Variants in PHEX observed in about 807,000 individuals in gnomAD.
The protein encoded by PHEX is phosphate-regulating neutral endopeptidase PHEX.
Under a neutral mutation model 68.0 loss-of-function variants are expected in PHEX, and 16 were observed. The ratio of observed to expected loss-of-function variants is 0.24; its 90% CI spans 0.16 to 0.36. PHEX has a LOEUF of 0.36. Among genes scored for constraint, PHEX ranks in the 10% least tolerant of loss-of-function variants. The pLI, the probability that PHEX is intolerant of heterozygous loss-of-function variation, is 1.00. For missense variants in PHEX, 480 were observed against 575.5 expected (o/e 0.83, Z 1.70); for synonymous variants, 208 against 205.1 (o/e 1.01, Z -0.12).
chrX:22,199,260 G>A (rs759349230), intron 15 of PHEX, among the ~76,000 whole-genome samples: 1 of 111,273 alleles, frequency 9.0e-6, no homozygotes, highest in Non-Finnish European at 1.9e-5. Flanking sequence ...AGAGAAGGAC[G>A]GGGAGGGCCT....
In PHEX at chrX:22,178,236, T is replaced by A. The variant is rs759118692; in HGVS notation, c.1483-37T>A. 4.3e-6 allele frequency: 4 copies of A among 938,778 alleles called. No individual in the cohort carries two copies. The South Asian group carries it at 7.8e-5, about 18-fold the overall frequency. 77.4% of individuals were successfully genotyped at this position (938,778 alleles called of 1,213,427 possible). A position where few individuals can be genotyped will look rare whatever the true frequency, so the allele number is the denominator to read the frequency against. On this transcript the variant is annotated intron_variant, in intron 13 of 21. Coordinates refer to ENST00000379374, the MANE Select transcript of PHEX (RefSeq NM_000444.6). ...TTTTTTTAGAGCCATCTTTTATCTT[T>A]ACTTAGAACAATGATGTTGTGGTTT...
At chrX:22,127,261 G>A (rs1931779227) in intron 11 of PHEX, among the ~76,000 whole-genome samples, 1 of 111,482 alleles carries the variant, frequency 9.0e-6, no homozygotes, top group African/African-American at 3.3e-5. Context: ...TAACACTTGA[G>A]TTAATTTTTA....
chrX:22,249,455 A>AAAATATATATATATATATATAT lies in PHEX; in HGVS notation c.*1503_*1504insAATATATATATATATATATATA. The AAAATATATATATATATATATAT allele has an allele frequency of 2.0e-4, 8 of 39,756 alleles. No individual in the cohort carries two copies. The highest frequency in any genetic ancestry group is 3.3e-4 in the African/African-American group (2 of 6,017). 3.3% of individuals were successfully genotyped at this position (39,756 alleles called of 1,213,427 possible). A position where few individuals can be genotyped will look rare whatever the true frequency, so the allele number is the denominator to read the frequency against. The stretch of plus-strand genomic sequence containing the variant: ...TTGTGATTCTTTTAAAAAAAAAAAA[A>AAAATATATATATATATATATAT]ATATATATATATATATATATATATA... On this transcript the variant is annotated 3_prime_UTR_variant, in exon 22 of 22. Transcript: ENST00000379374.
At chrX:22,057,691 A>G (rs1387782954) in intron 3 of PHEX, among the ~76,000 whole-genome samples, 1 of 111,509 alleles carries the variant, frequency 9.0e-6, no homozygotes, top group South Asian at 3.7e-4. Flanking sequence ...ATTTGTGTAC[A>G]TGCTTGCTGT....
chrX:22,100,900 G>A (rs1005728568), intron 9 of PHEX, among the ~76,000 whole-genome samples: 5 of 111,488 alleles, frequency 4.5e-5, no homozygotes, highest in African/African-American at 1.6e-4. Flanking sequence ...GGCCAGGCGC[G>A]GTGGCTCACA....
At chrX:22,235,979 A>ATCCAACTCCAC (rs1935963562) in intron 20 of PHEX, among the ~76,000 whole-genome samples, 1 of 111,296 alleles carries the variant, frequency 9.0e-6, no homozygotes, top group Admixed American at 9.5e-5. Context: ...TTTCAGTATG[A>ATCCAACTCCAC]TCCAACTCCA....
At chrX:22,221,574 T>A in intron 17 of PHEX, 39 bp from the exon 18 acceptor site, 1 of 1,152,294 alleles carries the variant, frequency 8.7e-7, no homozygotes, top group Non-Finnish European at 1.2e-6. Flanking sequence ...TTAGTTTCCA[T>A]AAATAACACA....
Position 22,249,455 on chromosome X carries a change from A to AAAAAAAAATATATATATATAT in PHEX, c.*1503_*1504insAAAAAAATATATATATATATA. ...TTGTGATTCTTTTAAAAAAAAAAAA[A>AAAAAAAAATATATATATATAT]ATATATATATATATATATATATATA... On this transcript the variant is annotated 3_prime_UTR_variant, in exon 22 of 22. Transcript: ENST00000379374. 4.0e-4 allele frequency: 16 copies of AAAAAAAAATATATATATATAT among 39,752 alleles called. No homozygotes were observed. Among genetic ancestry groups the AAAAAAAAATATATATATATAT allele is most frequent in the Non-Finnish European group, 6.1e-4 (15 of 24,467 alleles). The allele number at this position is 39,752 out of a possible 1,213,427, so 3.3% of individuals were successfully genotyped here.
At chrX:22,198,725 C>A (rs1934453284) in intron 15 of PHEX, among the ~76,000 whole-genome samples, 1 of 111,214 alleles carries the variant, frequency 9.0e-6, no homozygotes, top group South Asian at 3.8e-4. Flanking sequence ...CTTTGTGGGT[C>A]ATGTCAAAGA....
intron 16 of PHEX, among the ~76,000 whole-genome samples, chrX:22,218,605 T>C (rs16997441): frequency 0.014 from 1,549 of 112,129 alleles, 24 homozygotes; most frequent in African/African-American, 0.048. Context: ...ATTTAACTTC[T>C]AAGACTATAG....
intron 11 of PHEX, among the ~76,000 whole-genome samples, chrX:22,118,085 A>T (rs1380188819): frequency 8.9e-6 from 1 of 111,876 alleles, no homozygotes; most frequent in Non-Finnish European, 1.9e-5. Context: ...TTTGTTAAGC[A>T]AATGAATACA....
intron 4 of PHEX, among the ~76,000 whole-genome samples, chrX:22,076,699 C>A (rs1929166963): frequency 8.9e-6 from 1 of 111,962 alleles, no homozygotes; most frequent in Non-Finnish European, 1.9e-5. Context: ...GAGTTGGATT[C>A]TTTGGGTATC....
intron 15 of PHEX, among the ~76,000 whole-genome samples, chrX:22,206,063 G>A (rs1255442200): frequency 3.6e-5 from 4 of 112,186 alleles, no homozygotes; most frequent in African/African-American, 1.3e-4. Flanking sequence ...TATTGTGATT[G>A]AAAGTTTATT....
intron 15 of PHEX, among the ~76,000 whole-genome samples, chrX:22,193,469 T>G (rs1195478582): frequency 8.9e-6 from 1 of 111,796 alleles, no homozygotes; most frequent in Non-Finnish European, 1.9e-5. Context: ...AAAACTTTAT[T>G]TATATAGGTA....
intron 3 of PHEX, among the ~76,000 whole-genome samples, chrX:22,064,376 G>A (rs1382380278): frequency 2.7e-5 from 3 of 111,120 alleles, no homozygotes; most frequent in Admixed American, 9.6e-5. Flanking sequence ...TATTTAGCTC[G>A]CATTTATAAG....
chrX:22,105,350 T>C (rs1401725633), intron 9 of PHEX, among the ~76,000 whole-genome samples: 1 of 112,472 alleles, frequency 8.9e-6, no homozygotes, highest in Non-Finnish European at 1.9e-5. Context: ...TTTTCAAACC[T>C]GACACGCCTC....
chrX:22,220,107 G>A (rs1935222881), intron 17 of PHEX, among the ~76,000 whole-genome samples: 2 of 111,664 alleles, frequency 1.8e-5, no homozygotes, highest in South Asian at 3.8e-4. Context: ...ATTATCGGAA[G>A]GCCACATGAA....
At chrX:22,047,736 C>T (rs945987905) in intron 3 of PHEX, among the ~76,000 whole-genome samples, 3 of 111,740 alleles carry the variant, frequency 2.7e-5, no homozygotes, top group Non-Finnish European at 5.6e-5. Context: ...CAAGCTCACA[C>T]ACACATACTC....
At chrX:22,148,449 C>A (rs1932766221) in intron 12 of PHEX, among the ~76,000 whole-genome samples, 1 of 111,863 alleles carries the variant, frequency 8.9e-6, no homozygotes, top group Non-Finnish European at 1.9e-5. Context: ...AACTACTTAA[C>A]ATATCCATCA....
Sources: gnomAD v4.1 joint callset for allele counts (sites outside exome capture counted in the v4.1 genomes callset) on GRCh38, gnomAD v4.1.1 for gene constraint, MANE v1.5 for transcripts, NCBI Gene and HGNC (gene_info 2026-07-23, HGNC 2026-07-21) for gene names.